Variants in AFF3 observed in about 807,000 individuals in gnomAD.
AFF3 encodes the protein AF4/FMR2 family member 3.
AFF3 carries 32 observed loss-of-function variants against 129.7 expected under a neutral mutation model. That is an observed-to-expected ratio of 0.25 (90% CI 0.19 to 0.33). AFF3 has a LOEUF of 0.33. Ranked by LOEUF, AFF3 falls within the 10% of genes least tolerant of loss-of-function variation. The probability of loss-of-function intolerance (pLI) is 1.00; values close to 1 mark genes in which losing one functional copy is unlikely to be tolerated. For missense variants in AFF3, 1,373 were observed against 1,592.0 expected (o/e 0.86, Z 2.34); for synonymous variants, 644 against 635.4 (o/e 1.01, Z -0.20).
At chr2:99,622,190 G>A (rs1432504213) in intron 13 of AFF3, among the ~76,000 whole-genome samples, 1 of 152,130 alleles carries the variant, frequency 6.6e-6, no homozygotes, top group Admixed American at 6.5e-5. Context: ...AATGAGTCGA[G>A]GGTGGGTGCG....
chr2:99,995,094 G>A (rs1680714755), intron 7 of AFF3, among the ~76,000 whole-genome samples: 1 of 152,174 alleles, frequency 6.6e-6, no homozygotes, highest in Non-Finnish European at 1.5e-5. Flanking sequence ...GGGGCACTTT[G>A]GTGGCTGGAG....
intron 7 of AFF3, among the ~76,000 whole-genome samples, chr2:99,948,578 G>A (rs1254658964): frequency 2.6e-5 from 4 of 152,162 alleles, no homozygotes; most frequent in Non-Finnish European, 1.5e-5. Context: ...TCCATGTAAG[G>A]TGCTCTAACT....
chr2:99,723,148 G>A (rs1679056184), intron 11 of AFF3, among the ~76,000 whole-genome samples: 1 of 152,094 alleles, frequency 6.6e-6, no homozygotes, highest in Admixed American at 6.5e-5. Flanking sequence ...ATTTTAATTT[G>A]TGCTTTTGTG....
intron 7 of AFF3, among the ~76,000 whole-genome samples, chr2:99,885,031 T>G (rs929134303): frequency 2.0e-5 from 3 of 152,144 alleles, no homozygotes; most frequent in Non-Finnish European, 4.4e-5. Context: ...AATCTTAAAA[T>G]AGAGCTTCCA....
chr2:100,073,349 C>T (rs1688349004), intron 4 of AFF3, among the ~76,000 whole-genome samples: 1 of 152,142 alleles, frequency 6.6e-6, no homozygotes, highest in African/African-American at 2.4e-5. Flanking sequence ...GTGATACATC[C>T]ACAAGCCAAA....
At chr2:99,647,660 A>G (rs1379598863) in intron 13 of AFF3, among the ~76,000 whole-genome samples, 1 of 152,238 alleles carries the variant, frequency 6.6e-6, no homozygotes, top group Non-Finnish European at 1.5e-5. Context: ...AAGAAAAAAA[A>G]AGAAAGAAAG....
intron 7 of AFF3, among the ~76,000 whole-genome samples, chr2:99,958,897 G>A (rs1330669689): frequency 5.3e-5 from 8 of 151,940 alleles, no homozygotes; most frequent in South Asian, 4.2e-4. Flanking sequence ...AGGATCATTT[G>A]GGCCCAGGAG....
At chr2:99,888,836 AACAAGAC>A (rs1693322267) in intron 7 of AFF3, among the ~76,000 whole-genome samples, 2 of 152,312 alleles carry the variant, frequency 1.3e-5, no homozygotes, top group African/African-American at 4.8e-5. Flanking sequence ...CAATGACGGC[AACAAGAC>A]ACTTAATCAA....
At chr2:99,566,100 C>G (rs13401911) in intron 19 of AFF3, among the ~76,000 whole-genome samples, 27,316 of 150,220 alleles carry the variant, frequency 0.18, 2,620 homozygotes, top group East Asian at 0.36. Flanking sequence ...TATCTCCATG[C>G]CTTCCTCTTC....
chr2:99,887,105 A>G (rs1693168434), intron 7 of AFF3, among the ~76,000 whole-genome samples: 1 of 152,214 alleles, frequency 6.6e-6, no homozygotes, highest in Non-Finnish European at 1.5e-5. Context: ...GTTGGGGGCA[A>G]CAGGTGTGCT....
At chr2:99,911,982 C>G (rs1346797383) in intron 7 of AFF3, among the ~76,000 whole-genome samples, 1 of 152,078 alleles carries the variant, frequency 6.6e-6, no homozygotes, top group African/African-American at 2.4e-5. Context: ...GAGAAAGTGC[C>G]CAAATGAAAG....
At chr2:100,006,190 A>G (rs1213615336) in intron 7 of AFF3, 2 of 153,126 alleles carry the variant, frequency 1.3e-5, no homozygotes, top group South Asian at 4.1e-4. Flanking sequence ...AAAACACGAA[A>G]ATGTTAAGAG....
chr2:99,874,356 T>G (rs1173158741), intron 7 of AFF3, among the ~76,000 whole-genome samples: 1 of 152,174 alleles, frequency 6.6e-6, no homozygotes, highest in Non-Finnish European at 1.5e-5. Context: ...CTCAAAATAT[T>G]GTGACACCAA....
chr2:100,093,020 G>A (rs530878781), intron 4 of AFF3, among the ~76,000 whole-genome samples: 2 of 152,264 alleles, frequency 1.3e-5, no homozygotes, highest in East Asian at 3.9e-4. Flanking sequence ...AAATCCAGAG[G>A]AAGAAAGTTA....
intron 13 of AFF3, among the ~76,000 whole-genome samples, chr2:99,646,632 C>G (rs1575589450): frequency 6.6e-6 from 1 of 152,124 alleles, no homozygotes; most frequent in African/African-American, 2.4e-5. Flanking sequence ...CTGGGGAGAT[C>G]TTTACTCAAT....
intron 7 of AFF3, among the ~76,000 whole-genome samples, chr2:99,981,244 C>T (rs547174339): frequency 6.6e-5 from 10 of 152,194 alleles, no homozygotes; most frequent in African/African-American, 2.4e-4. Flanking sequence ...TCTTGAACTC[C>T]CAACCTCAGG....
chr2:99,584,894 G>A (rs893887831), intron 16 of AFF3, among the ~76,000 whole-genome samples: 19 of 152,220 alleles, frequency 1.2e-4, no homozygotes, highest in African/African-American at 4.6e-4. Flanking sequence ...TCCTTAGCTG[G>A]TGGTCACAGT....
At chr2:99,737,609 A>C (rs1680362924) in intron 10 of AFF3, among the ~76,000 whole-genome samples, 1 of 150,390 alleles carries the variant, frequency 6.6e-6, no homozygotes, top group Non-Finnish European at 1.5e-5. Flanking sequence ...TTTTATGTGC[A>C]CTTTAGCTAT....
intron 12 of AFF3, among the ~76,000 whole-genome samples, chr2:99,669,296 C>A (rs1016282197): frequency 2.0e-5 from 3 of 152,132 alleles, no homozygotes; most frequent in African/African-American, 7.2e-5. Flanking sequence ...TACTCCCCGA[C>A]CCCTGCCAAA....
Sources: gnomAD v4.1 joint callset for allele counts (sites outside exome capture counted in the v4.1 genomes callset) on GRCh38, gnomAD v4.1.1 for gene constraint, MANE v1.5 for transcripts, NCBI Gene and HGNC (gene_info 2026-07-23, HGNC 2026-07-21) for gene names.